MAP4: variants seen among roughly 807,000 people sequenced by gnomAD.
The protein encoded by MAP4 is microtubule-associated protein 4.
Under a neutral mutation model 170.2 loss-of-function variants are expected in MAP4, and 76 were observed. The ratio of observed to expected loss-of-function variants is 0.45; its 90% CI spans 0.37 to 0.54. MAP4 has a LOEUF of 0.54. Among genes scored for constraint, MAP4 ranks in the 20% least tolerant of loss-of-function variants. MAP4 has a pLI of 0.00. For synonymous variants in MAP4, 909 were observed against 994.5 expected (o/e 0.91, Z 1.62); for missense variants, 2,506 against 2,748.0 (o/e 0.91, Z 1.97).
rs779936154 is a variant in MAP4 at position 47,916,436 on chromosome 3, T to G, written c.1391A>C (p.Lys464Thr). ...CACCTCTGCTTCTAAAGGTAGTGCT[T>G]TATCCTTGGTCAAGATCACGTTGGT... The part of the protein sequence containing the change: ...PETNVILTKD[K>T]ALPLEAEVAP... Residue 464 changes from lysine (K) to threonine (T), a missense_variant, in exon 7 of 21, where the codon AAA becomes ACA. Lys to Thr is a moderately conservative substitution (Grantham distance 78). Around this residue, in one of 3 missense-constraint regions of MAP4, gnomAD observed 2,008 missense variants for 2,206.0 expected, o/e 0.91. Coordinates refer to ENST00000683076, the MANE Select transcript of MAP4 (RefSeq NM_001385682.1). 6.2e-7 allele frequency: 1 copy of G among 1,613,864 alleles called. No homozygotes were observed. Among genetic ancestry groups the G allele is most frequent in the Non-Finnish European group, 8.5e-7 (1 of 1,179,978 alleles).
intron 1 of MAP4, among the ~76,000 whole-genome samples, chr3:48,051,092 CCACACACACA>C (rs145028487): frequency 1.6e-3 from 231 of 144,016 alleles, no homozygotes; most frequent in African/African-American, 5.8e-3. Flanking sequence ...CATTCAATTT[CCACACACACA>C]CACACACACA....
chr3:47,893,774 T>TTA (rs1553766726), intron 10 of MAP4, among the ~76,000 whole-genome samples: 5 of 150,094 alleles, frequency 3.3e-5, no homozygotes, highest in African/African-American at 9.8e-5. Context: ...TTTTTTTTTT[T>TTA]AAAAAAAGGC....
At chr3:48,031,574 A>C (rs2100116122) in intron 1 of MAP4, among the ~76,000 whole-genome samples, 1 of 151,636 alleles carries the variant, frequency 6.6e-6, no homozygotes, top group Admixed American at 6.6e-5. Context: ...AAAACAAAAA[A>C]ATTAGCCAGG....
chr3:48,065,045 G>A (rs2100137697), intron 1 of MAP4, among the ~76,000 whole-genome samples: 1 of 152,120 alleles, frequency 6.6e-6, no homozygotes, highest in African/African-American at 2.4e-5. Context: ...CAGGAGGACT[G>A]CTTGAACCCA....
chr3:47,914,567 GACA>G (rs951926113), intron 8 of MAP4, among the ~76,000 whole-genome samples: 8 of 148,524 alleles, frequency 5.4e-5, no homozygotes, highest in South Asian at 4.3e-4. Flanking sequence ...AAAAAACAAC[GACA>G]ACAACAACAA....
At chr3:48,017,277 G>C (rs1399736135), upstream of MAP4, among the ~76,000 whole-genome samples, 8 of 152,138 alleles carry the variant, frequency 5.3e-5, no homozygotes, top group East Asian at 1.5e-3. Flanking sequence ...TGTAGTTTCT[G>C]CTTTTATCTA....
upstream of MAP4, chr3:48,016,430 T>C (rs2100107869): frequency 6.6e-6 from 1 of 152,202 alleles, no homozygotes; most frequent in Admixed American, 6.5e-5. Flanking sequence ...TTTCAATCTA[T>C]TTCTCCAGGA....
intron 1 of MAP4, among the ~76,000 whole-genome samples, chr3:48,057,050 C>T (rs1431467887): frequency 1.3e-5 from 2 of 148,208 alleles, no homozygotes; most frequent in African/African-American, 5.0e-5. Context: ...CTCTGCCCGG[C>T]CGCCCCTACT....
chr3:48,047,026 G>A (rs540067478), intron 1 of MAP4, among the ~76,000 whole-genome samples: 114 of 151,714 alleles, frequency 7.5e-4, no homozygotes, highest in African/African-American at 2.7e-3. Context: ...CCCAGGAGGC[G>A]GAGCTTGCAG....
At chr3:47,993,118 G>A (rs887213220) in intron 2 of MAP4, among the ~76,000 whole-genome samples, 1 of 152,106 alleles carries the variant, frequency 6.6e-6, no homozygotes, top group Admixed American at 6.5e-5. Context: ...TAAAGTTTAT[G>A]GGGACAATGC....
At chr3:47,993,379 G>A (rs750616612) in intron 2 of MAP4, among the ~76,000 whole-genome samples, 7 of 152,056 alleles carry the variant, frequency 4.6e-5, no homozygotes, top group African/African-American at 9.7e-5. Context: ...TGAAGATGAA[G>A]CCCACCGTGG....
At chr3:48,035,923 G>C (rs1046438138) in intron 1 of MAP4, among the ~76,000 whole-genome samples, 1 of 152,084 alleles carries the variant, frequency 6.6e-6, no homozygotes, top group South Asian at 2.1e-4. Context: ...CTGGGCGACA[G>C]AGCGAGACTC....
rs2100113250 is a variant in MAP4, at chr3:48,026,634, C to G, written c.-19-27755G>C. 2.6e-5 allele frequency among the ~76,000 whole-genome samples: 4 copies of G among 152,086 alleles called. No individual in the cohort carries two copies. In the South Asian group the frequency reaches 8.3e-4, roughly 32 times the overall value. The stretch of plus-strand genomic sequence containing the variant: ...TAAAAGGAAGTCTGAAATCTTATCT[C>G]CAAATAAATCTTATCTCAAATTAAT... On this transcript the variant is annotated intron_variant, in intron 1 of 18. Coordinates refer to the MAP4 transcript ENST00000360240.
At chr3:48,033,185 A>T (rs2154521825) in intron 1 of MAP4, among the ~76,000 whole-genome samples, 1 of 152,326 alleles carries the variant, frequency 6.6e-6, no homozygotes, top group East Asian at 1.9e-4. Flanking sequence ...CAAGGGGAAA[A>T]GGTAGGAGGT....
At chr3:48,061,194 C>G (rs1335921252) in intron 1 of MAP4, among the ~76,000 whole-genome samples, 1 of 151,280 alleles carries the variant, frequency 6.6e-6, no homozygotes, top group African/African-American at 2.4e-5. Flanking sequence ...CCCCCTCCCC[C>G]TCCCCCTCTC....
Position 47,875,884 on chromosome 3 carries a change from T to A in MAP4, c.5558A>T (p.Gln1853Leu), listed in dbSNP as rs1255839581. 6.2e-7 allele frequency: 1 copy of A among 1,611,100 alleles called. No individual in the cohort carries two copies. Among genetic ancestry groups the A allele is most frequent in the East Asian group, 2.2e-5 (1 of 44,868 alleles). ...TTTCGATGTTGAAGTCTTTGCAGGT[T>A]GAGTGGTGGCCAAAGGCTTTAGGTT... ...EKKTKPLATT[Q>L]PAKTSTSKAK... is the part of the protein sequence containing the mutation. The change falls in exon 12 of 21, where the codon CAA becomes CTA. Residue 1853 changes from glutamine (Q) to leucine (L), a missense_variant. Around this residue, in one of 3 missense-constraint regions of MAP4, gnomAD observed 2,008 missense variants for 2,206.0 expected, o/e 0.91. Coordinates refer to ENST00000683076, the MANE Select transcript of MAP4 (RefSeq NM_001385682.1).
At chr3:47,961,586 C>T (rs1254273716) in intron 3 of MAP4, among the ~76,000 whole-genome samples, 1 of 152,166 alleles carries the variant, frequency 6.6e-6, no homozygotes, top group African/African-American at 2.4e-5. Flanking sequence ...CTCTCAATTC[C>T]AAATCTACCT....
Position 47,973,784 on chromosome 3 carries a change from T to C in MAP4, c.292+4081A>G, listed in dbSNP as rs58598843. 917 of 985,444 alleles carry C rather than the reference T, an allele frequency of 9.3e-4. 8 individuals carry two copies. In the African/African-American group the frequency reaches 0.015, roughly 16 times the overall value. The allele number at this position is 985,444 out of a possible 1,614,324, so 61.0% of individuals were successfully genotyped here. ...CTACTACCAGTTTTGAAAAGATCCCTGGCGAAAGAAACCCCAAAATCAACT... is the reference window on the plus strand; with the variant it reads ...CTACTACCAGTTTTGAAAAGATCCCCGGCGAAAGAAACCCCAAAATCAACT... On this transcript the variant is annotated intron_variant, in intron 3 of 20. Transcript: ENST00000683076.
chr3:48,016,778 A>AT (rs35747048), upstream of MAP4, among the ~76,000 whole-genome samples: 780 of 146,248 alleles, frequency 5.3e-3, 3 homozygotes, highest in South Asian at 0.011. Context: ...TTCTAAAGGC[A>AT]TTTTTTTTTT....
Sources: allele counts gnomAD v4.1 joint callset (sites outside exome capture counted in the v4.1 genomes callset), GRCh38; gene constraint gnomAD v4.1.1; regional missense constraint gnomAD v4.1.1; transcripts MANE v1.5; gene names NCBI Gene and HGNC (gene_info 2026-07-23, HGNC 2026-07-21).